Variants in ARAP3 observed in about 807,000 individuals in gnomAD.
ARAP3 encodes ArfGAP with RhoGAP domain, ankyrin repeat and PH domain 3.
A neutral mutation model predicts 169.2 loss-of-function variants in ARAP3; 82 were observed. That is an observed-to-expected ratio of 0.48 (90% CI 0.41 to 0.58). The LOEUF (loss-of-function observed/expected upper bound fraction) is 0.58, where lower values mean the gene tolerates loss of function less well. Ranked by LOEUF, ARAP3 falls within the 20% of genes least tolerant of loss-of-function variation. The pLI is 0.00. For missense variants in ARAP3, 1,764 were observed against 2,018.0 expected (o/e 0.87, Z 2.41); for synonymous variants, 791 against 800.3 (o/e 0.99, Z 0.20).
intron 19 of ARAP3, among the ~76,000 whole-genome samples, chr5:141,663,549 A>G (rs1001465178): frequency 6.6e-6 from 1 of 152,208 alleles, no homozygotes; most frequent in Non-Finnish European, 1.5e-5. Context: ...TCGGCTTCCC[A>G]AAGTGCTGGG....
At chr5:141,673,262 G>C in intron 6 of ARAP3, 129 bp from the exon 7 acceptor site, 2 of 1,562,712 alleles carry the variant, frequency 1.3e-6, no homozygotes, top group Non-Finnish European at 1.7e-6. Flanking sequence ...TGCTAAGCCA[G>C]CTACTTTAAA....
intron 25 of ARAP3, among the ~76,000 whole-genome samples, chr5:141,657,936 A>G (rs2099909458): frequency 6.6e-6 from 1 of 152,080 alleles, no homozygotes; most frequent in South Asian, 2.1e-4. Context: ...TGGATATGTG[A>G]GTCTGGAGCT....
In ARAP3 at chr5:141,656,891, T is replaced by C; in HGVS notation, c.3527-45A>G. On this transcript the variant is annotated intron_variant, in intron 25 of 32. Coordinates refer to ENST00000239440, the MANE Select transcript of ARAP3 (RefSeq NM_022481.6). ...GTTTATATATCAATCAGAATATCCA[T>C]ACTAAGCCCCCAGCTCTCACCAGTC... 1.9e-6 allele frequency: 3 copies of C among 1,581,524 alleles called. No homozygotes were observed. The South Asian group carries it at 3.4e-5, about 18-fold the overall frequency.
chr5:141,656,451 G>A, intron 27 of ARAP3, 53 bp downstream of exon 27: 1 of 1,592,414 alleles, frequency 6.3e-7, no homozygotes, highest in Admixed American at 1.8e-5. Context: ...GTGCAGTCAT[G>A]GCTCCTCTCC....
intron 4 of ARAP3, among the ~76,000 whole-genome samples, chr5:141,677,950 A>ATT (rs35622634): frequency 1.0e-3 from 136 of 129,706 alleles, no homozygotes; most frequent in Middle Eastern, 8.2e-3. Flanking sequence ...ACCCCCAGCT[A>ATT]TTTTTTTTTT....
chr5:141,653,693 T>A lies in ARAP3; in HGVS notation c.*257A>T. ...GGATAATATGTGGGGCTTATGGCTC[T>A]AAGAAACACAGTTTGACATTCACTG... On this transcript the variant is annotated 3_prime_UTR_variant, in exon 33 of 33. Coordinates refer to ENST00000239440, the MANE Select transcript of ARAP3 (RefSeq NM_022481.6). The A allele has an allele frequency of 2.6e-6, 1 of 382,882 alleles. No homozygotes were observed. 23.7% of individuals were successfully genotyped at this position (382,882 alleles called of 1,614,324 possible).
At chr5:141,669,847 C>T (rs774861263) in intron 15 of ARAP3, 36 bp from the exon 16 acceptor site, 32 of 1,612,270 alleles carry the variant, frequency 2.0e-5, no homozygotes, top group Non-Finnish European at 2.5e-5. Context: ...GAGGATGGGA[C>T]CAATGAGAGG....
rs1230951637 is a variant in ARAP3, at chr5:141,662,043, C to A, written c.3013G>T (p.Glu1005Ter). 1 of 1,614,010 alleles carries A rather than the reference C, an allele frequency of 6.2e-7. No individual in the cohort carries two copies. The highest frequency in any genetic ancestry group is 8.5e-7 in the Non-Finnish European group (1 of 1,179,996). Residue 1005 changes from glutamate to a stop codon, truncating the protein, a stop_gained and splice_region_variant, in exon 20 of 33, where the codon GAG becomes TAG. Coordinates refer to ENST00000239440, the MANE Select transcript of ARAP3 (RefSeq NM_022481.6). LOFTEE classifies it high-confidence loss of function. ...TGGCTCTCAGGGATCTTAGGAATAC[C>A]AGCAGCCTCCCTCCAGCGAGGCAGC... ...RLLPRWREAA[E>*]LPQKNQRLEK...
At position 141,671,459 on chromosome 5, in the gene ARAP3, A is replaced by G. The variant is rs2099911438; in HGVS notation, c.1855-59T>C. 3 of 1,594,350 alleles carry G rather than the reference A, an allele frequency of 1.9e-6. No individual in the cohort carries two copies. Among genetic ancestry groups the G allele is most frequent in the Admixed American group, 3.4e-5 (2 of 58,100 alleles). On this transcript the variant is annotated intron_variant, in intron 12 of 32. Coordinates refer to ENST00000239440, the MANE Select transcript of ARAP3 (RefSeq NM_022481.6). The surrounding 1 kb of genome is among the most constrained non-coding windows in gnomAD (Gnocchi z 4.9). ...ATCCCAAACTGAGAGCACTGGGGAC[A>G]GTCGTATCATCACTAAAAACAGTCC...
At chr5:141,670,668 A>C in intron 13 of ARAP3, 40 bp from the exon 14 acceptor site, 1 of 1,566,902 alleles carries the variant, frequency 6.4e-7, no homozygotes, top group Non-Finnish European at 8.8e-7. Context: ...AACCAAGTGC[A>C]ACGGGATAAC....
At position 141,655,362 on chromosome 5, in the gene ARAP3, A is replaced by G. The variant is rs1297802565; in HGVS notation, c.4149T>C (p.Phe1383=). The change falls in exon 32 of 33, where the codon TTT becomes TTC. Residue 1383 remains phenylalanine, a splice_region_variant and synonymous_variant. Transcript: ENST00000239440. The part of the protein sequence containing the change: ...LHNRRTLSMF[F]PMKSSQGSVE... Reference sequence around the variant, plus strand: ...CCGCTGGAGCAGGCACAATACTCACAAAGAACATGGACAGGGTCCTCCGGT... The same window carrying G: ...CCGCTGGAGCAGGCACAATACTCACGAAGAACATGGACAGGGTCCTCCGGT... 6.3e-7 allele frequency: 1 copy of G among 1,579,924 alleles called. No individual in the cohort carries two copies. The highest frequency in any genetic ancestry group is 8.6e-7 in the Non-Finnish European group (1 of 1,162,564).
chr5:141,664,383 C>CA (rs995065970), intron 19 of ARAP3, among the ~76,000 whole-genome samples: 28 of 149,894 alleles, frequency 1.9e-4, no homozygotes, highest in African/African-American at 2.5e-4. Flanking sequence ...GACTCCATCT[C>CA]AAAAAAAAAG....
chr5:141,665,194 T>G (rs1403015913), intron 18 of ARAP3, 109 bp from the exon 19 acceptor site: 1 of 1,562,224 alleles, frequency 6.4e-7, no homozygotes, highest in Non-Finnish European at 8.7e-7. Context: ...ACCCAAATCA[T>G]CCTGGAGCAA....
intron 16 of ARAP3, among the ~76,000 whole-genome samples, 200 bp downstream of exon 16, chr5:141,669,509 C>T (rs2099911144): frequency 6.6e-6 from 1 of 152,202 alleles, no homozygotes; most frequent in African/African-American, 2.4e-5. Flanking sequence ...TACTTAAAAC[C>T]TCACCTCAGA....
intron 21 of ARAP3, among the ~76,000 whole-genome samples, chr5:141,661,066 TC>T (rs1211507931): frequency 3.3e-5 from 5 of 150,658 alleles, no homozygotes; most frequent in Admixed American, 6.6e-5. Flanking sequence ...TTTTCTTTTT[TC>T]TTTTTTTTTT....
At position 141,665,008 on chromosome 5, in the gene ARAP3, C is replaced by A. The variant is rs2099910450; in HGVS notation, c.2714G>T (p.Gly905Val). 1 of 1,613,782 alleles carries A rather than the reference C, an allele frequency of 6.2e-7. No homozygotes were observed. Among genetic ancestry groups the A allele is most frequent in the South Asian group, 1.1e-5 (1 of 91,046 alleles). Residue 905 changes from glycine (G) to valine (V), a missense_variant, in exon 19 of 33, where the codon GGC becomes GTC. Gly to Val is a moderately radical substitution (Grantham distance 109, BLOSUM62 -3). Transcript: ENST00000239440. ...CTGCTGCTCCTGCAGCCCTGTGCCG[C>A]CCCCACCAGCCGCGCCCCCAATGGC... ...NAAIGGAAGG[G>V]GTGLQEQQMS... is the part of the protein sequence containing the mutation.
At chr5:141,662,774 C>T (rs547764657) in intron 19 of ARAP3, among the ~76,000 whole-genome samples, 1 of 152,220 alleles carries the variant, frequency 6.6e-6, no homozygotes, top group Admixed American at 6.5e-5. Context: ...TTTAAAATGG[C>T]CCAAGTATAG....
chr5:141,672,884 T>C lies in ARAP3; in HGVS notation c.1135A>G (p.Lys379Glu). The C allele has an allele frequency of 3.1e-6, 5 of 1,608,124 alleles. No individual in the cohort carries two copies. Among genetic ancestry groups the C allele is most frequent in the Non-Finnish European group, 4.2e-6 (5 of 1,177,182 alleles). Reference sequence around the variant, plus strand: ...GGGTGGCCCAGGAGGCGCTGCTCCTTCAGACAGGACTGCAGCGTGGAGCAC... The same window carrying C: ...GGGTGGCCCAGGAGGCGCTGCTCCTCCAGACAGGACTGCAGCGTGGAGCAC... ...MWCSTLQSCL[K>E]EQRLLGHPRP... The change falls in exon 8 of 33, where the codon AAG (lysine) becomes GAG (glutamate). Residue 379 changes from lysine to glutamate, a missense_variant. Physicochemically the swap from Lys to Glu is moderately conservative, Grantham distance 56. Coordinates refer to ENST00000239440, the MANE Select transcript of ARAP3 (RefSeq NM_022481.6). The surrounding 1 kb of genome is among the most constrained non-coding windows in gnomAD (Gnocchi z 4.9).
At position 141,673,659 on chromosome 5, in the gene ARAP3, GCCGT is replaced by G; in HGVS notation, c.844_847del (p.Thr282GlnfsTer12). ...ACTGAGCAGGGGCGTGAGGCGGTCT[GCCGT>G]GAAGGAGAAGCTGGCATAGGGTGAA... On this transcript the variant is annotated frameshift_variant, in exon 5 of 33. Coordinates refer to ENST00000239440, the MANE Select transcript of ARAP3 (RefSeq NM_022481.6). LOFTEE classifies it high-confidence loss of function. 6.2e-7 allele frequency: 1 copy of G among 1,614,216 alleles called. No homozygotes were observed. The highest frequency in any genetic ancestry group is 8.5e-7 in the Non-Finnish European group (1 of 1,180,048).
Sources: gnomAD v4.1 joint callset for allele counts (sites outside exome capture counted in the v4.1 genomes callset) on GRCh38, gnomAD v4.1.1 for gene constraint, Gnocchi (gnomAD v3.1) non-coding constraint, MANE v1.5 for transcripts, NCBI Gene and HGNC (gene_info 2026-07-23, HGNC 2026-07-21) for gene names.